Variants in ADAMTSL1 observed in about 807,000 individuals in gnomAD.
ADAMTSL1 encodes ADAMTS-like protein 1.
ADAMTSL1 carries 126 observed loss-of-function variants against 201.8 expected under a neutral mutation model. That is an observed-to-expected ratio of 0.62 (90% CI 0.54 to 0.72). ADAMTSL1 has a LOEUF of 0.72. Among genes scored for constraint, ADAMTSL1 ranks in the 30% least tolerant of loss-of-function variants. The probability of loss-of-function intolerance (pLI) is 0.00; values close to 1 mark genes in which losing one functional copy is unlikely to be tolerated. For missense variants in ADAMTSL1, 2,679 were observed against 2,277.8 expected (o/e 1.18, Z -3.59); for synonymous variants, 1,121 against 903.4 (o/e 1.24, Z -4.32).
chr9:18,603,373 ATG>A, intron 4 of ADAMTSL1, among the ~76,000 whole-genome samples: 1 of 151,490 alleles, frequency 6.6e-6, no homozygotes, highest in Admixed American at 6.6e-5. Flanking sequence ...ATGCTATGCT[ATG>A]CTATGCTATG....
At chr9:18,797,094 A>G (rs1464117651) in intron 20 of ADAMTSL1, among the ~76,000 whole-genome samples, 1 of 152,172 alleles carries the variant, frequency 6.6e-6, no homozygotes. Context: ...GAGGCTGCCA[A>G]CAAGTTCAAA....
At chr9:18,884,702 G>A (rs769916111) in intron 23 of ADAMTSL1, among the ~76,000 whole-genome samples, 30 of 152,026 alleles carry the variant, frequency 2.0e-4, no homozygotes, top group Non-Finnish European at 3.8e-4. Flanking sequence ...AAAATCATTT[G>A]ACTACATATT....
intron 26 of ADAMTSL1, among the ~76,000 whole-genome samples, chr9:18,901,276 C>T (rs1830002482): frequency 1.3e-5 from 2 of 152,060 alleles, no homozygotes; most frequent in African/African-American, 2.4e-5. Flanking sequence ...GCCACTATTC[C>T]TGATTACAAG....
chr9:18,280,392 T>C (rs1382805053), intron 2 of ADAMTSL1, among the ~76,000 whole-genome samples: 1 of 146,912 alleles, frequency 6.8e-6, no homozygotes, highest in African/African-American at 2.5e-5. Flanking sequence ...TTTAATCAGC[T>C]TGTTTATCTC....
chr9:18,038,572 A>G lies in ADAMTSL1; in HGVS notation c.88-125290A>G, dbSNP rs542359647. 6.8e-4 allele frequency among the ~76,000 whole-genome samples: 104 copies of G among 152,288 alleles called. No individual in the cohort carries two copies. The Middle Eastern group carries it at 0.01, about 15-fold the overall frequency. On this transcript the variant is annotated intron_variant, in intron 1 of 29. Coordinates refer to the ADAMTSL1 transcript ENST00000680146. ...ATCTTTTGTGTCTGCTATTTTGCCT[A>G]AAGGATTTCAAAGGGTGATACAGAA...
intron 3 of ADAMTSL1, among the ~76,000 whole-genome samples, chr9:18,559,523 G>GT (rs1458828330): frequency 6.6e-6 from 1 of 152,038 alleles, no homozygotes; most frequent in Non-Finnish European, 1.5e-5. Context: ...ATTTGAAGTA[G>GT]TTTTTTTCTA....
chr9:18,480,135 T>C (rs986687531), intron 1 of ADAMTSL1, among the ~76,000 whole-genome samples: 1 of 152,216 alleles, frequency 6.6e-6, no homozygotes, highest in African/African-American at 2.4e-5. Context: ...GTCACAGTTT[T>C]GTAAAACTTG....
chr9:18,316,402 A>G (rs554918765), intron 2 of ADAMTSL1, among the ~76,000 whole-genome samples: 3 of 152,098 alleles, frequency 2.0e-5, no homozygotes, highest in Admixed American at 6.5e-5. Context: ...TGCAGTCTTG[A>G]CCATAAGAGA....
intron 7 of ADAMTSL1, among the ~76,000 whole-genome samples, chr9:18,649,208 G>A (rs907182245): frequency 3.5e-4 from 53 of 152,072 alleles, no homozygotes; most frequent in African/African-American, 1.0e-3. Context: ...CATTCTCCAC[G>A]TAGTTCTCGC....
intron 23 of ADAMTSL1, among the ~76,000 whole-genome samples, chr9:18,838,071 C>A (rs186549476): frequency 6.6e-6 from 1 of 152,172 alleles, no homozygotes; most frequent in Admixed American, 6.5e-5. Flanking sequence ...GTTTAATGGA[C>A]TTACAGTTCC....
At chr9:18,502,928 A>G (rs10217409) in intron 1 of ADAMTSL1, among the ~76,000 whole-genome samples, 62,517 of 151,764 alleles carry the variant, frequency 0.41, 13,120 homozygotes, top group South Asian at 0.55. Context: ...ATTAATAAAT[A>G]ATGTTAAATA....
intron 23 of ADAMTSL1, among the ~76,000 whole-genome samples, chr9:18,842,350 G>T (rs1825775283): frequency 6.6e-6 from 1 of 152,074 alleles, no homozygotes; most frequent in Non-Finnish European, 1.5e-5. Context: ...GAGCAGTTTT[G>T]AGTGAGTTTC....
At chr9:18,243,697 T>A (rs1223073016) in intron 2 of ADAMTSL1, among the ~76,000 whole-genome samples, 2 of 151,710 alleles carry the variant, frequency 1.3e-5, no homozygotes, top group Non-Finnish European at 3.0e-5. Context: ...AACTATGACA[T>A]CTTGGTAAAC....
At chr9:18,349,831 C>T (rs563810628) in intron 2 of ADAMTSL1, among the ~76,000 whole-genome samples, 1 of 152,128 alleles carries the variant, frequency 6.6e-6, no homozygotes, top group South Asian at 2.1e-4. Flanking sequence ...AATTTCTACC[C>T]CACAAGCTTT....
chr9:18,134,972 A>G (rs1340534739), intron 1 of ADAMTSL1, among the ~76,000 whole-genome samples: 1 of 152,178 alleles, frequency 6.6e-6, no homozygotes, highest in African/African-American at 2.4e-5. Flanking sequence ...TCATCTGGGT[A>G]ATTACACTGG....
intron 1 of ADAMTSL1, among the ~76,000 whole-genome samples, chr9:18,028,072 A>G (rs1304779869): frequency 2.6e-5 from 4 of 152,038 alleles, no homozygotes; most frequent in African/African-American, 7.2e-5. Context: ...ATCTTTCTCC[A>G]TTCCTTTACT....
chr9:18,118,686 ACTCAG>A (rs1437843439), intron 1 of ADAMTSL1, among the ~76,000 whole-genome samples: 1 of 152,136 alleles, frequency 6.6e-6, no homozygotes, highest in Non-Finnish European at 1.5e-5. Flanking sequence ...ATCCTTCTAC[ACTCAG>A]CCCTAGGATT....
At chr9:18,392,483 C>T (rs1450552021) in intron 2 of ADAMTSL1, among the ~76,000 whole-genome samples, 1 of 152,170 alleles carries the variant, frequency 6.6e-6, no homozygotes, top group Non-Finnish European at 1.5e-5. Context: ...CTTGGCCTGG[C>T]GTGCTCTGCA....
intron 1 of ADAMTSL1, among the ~76,000 whole-genome samples, chr9:18,160,568 G>GT (rs1050794276): frequency 1.3e-5 from 2 of 151,830 alleles, no homozygotes; most frequent in South Asian, 2.1e-4. Context: ...ACTGCAAGGT[G>GT]TTTTTTTACA....
Sources: gnomAD v4.1 joint callset for allele counts (sites outside exome capture counted in the v4.1 genomes callset) on GRCh38, gnomAD v4.1.1 for gene constraint, MANE v1.5 for transcripts, NCBI Gene and HGNC (gene_info 2026-07-23, HGNC 2026-07-21) for gene names.